ASH1L: variants seen among roughly 807,000 people sequenced by gnomAD.
ASH1L encodes the protein ASH1 like histone lysine methyltransferase, also known as histone-lysine N-methyltransferase ASH1L.
Under a neutral mutation model 269.0 loss-of-function variants are expected in ASH1L, and 23 were observed. That is an observed-to-expected ratio of 0.09 (90% confidence interval 0.06 to 0.12). The LOEUF (loss-of-function observed/expected upper bound fraction) is 0.12. Ranked by LOEUF, ASH1L falls within the 10% of genes least tolerant of loss-of-function variation. The probability of loss-of-function intolerance (pLI) is 1.00; values close to 1 mark genes in which losing one functional copy is unlikely to be tolerated. For synonymous variants in ASH1L, 1,187 were observed against 1,253.5 expected (o/e 0.95, Z 1.12); for missense variants, 2,912 against 3,567.8 (o/e 0.82, Z 4.68).
chr1:155,446,856 G>A (rs2148644530), intron 4 of ASH1L, among the ~76,000 whole-genome samples: 1 of 152,102 alleles, frequency 6.6e-6, no homozygotes, highest in South Asian at 2.1e-4. Flanking sequence ...GCCCGCTTCG[G>A]CCTCTCAAAG....
chr1:155,429,508 C>A (rs1463736295), intron 5 of ASH1L, among the ~76,000 whole-genome samples: 1 of 152,182 alleles, frequency 6.6e-6, no homozygotes, highest in African/African-American at 2.4e-5. Context: ...AAGCGATCCA[C>A]ACGCCTCGGC....
rs555975446 is a variant in ASH1L, at chr1:155,520,305, A to T, written c.420+795T>A. The T allele has an allele frequency of 2.1e-5, 3 of 142,438 alleles. No individual in the cohort carries two copies. In the South Asian group the frequency reaches 7.0e-4, roughly 33 times the overall value. The allele number at this position is 142,438 out of a possible 1,614,324, so 8.8% of individuals were successfully genotyped here. Reference sequence around the variant, plus strand: ...AACCCAGGAGGCGGAGGTTGCGGTGAGCCGAGATCGCACCACTGCACTCCA... The same window carrying T: ...AACCCAGGAGGCGGAGGTTGCGGTGTGCCGAGATCGCACCACTGCACTCCA... On this transcript the variant is annotated intron_variant, in intron 2 of 27. Coordinates refer to ENST00000392403, the MANE Select transcript of ASH1L (RefSeq NM_018489.3).
chr1:155,349,843 G>A (rs371954131), intron 17 of ASH1L, among the ~76,000 whole-genome samples: 8 of 144,840 alleles, frequency 5.5e-5, no homozygotes, highest in East Asian at 2.1e-4. Flanking sequence ...TCAGCCTCCC[G>A]AGCAGCTGGG....
chr1:155,448,197 T>TG (rs2148647993), intron 4 of ASH1L, among the ~76,000 whole-genome samples: 6 of 152,376 alleles, frequency 3.9e-5, no homozygotes, highest in African/African-American at 1.4e-4. Context: ...CCTGTTCCAC[T>TG]GGTCTATGTG....
intron 4 of ASH1L, among the ~76,000 whole-genome samples, chr1:155,457,300 G>GA (rs797007623): frequency 1.3e-5 from 2 of 152,002 alleles, no homozygotes; most frequent in Admixed American, 6.6e-5. Flanking sequence ...TCCTCTGAAT[G>GA]AAAAAAACAT....
chr1:155,377,049 A>C (rs1429722167), intron 10 of ASH1L, among the ~76,000 whole-genome samples: 1 of 151,832 alleles, frequency 6.6e-6, no homozygotes, highest in African/African-American at 2.4e-5. Flanking sequence ...CTGGGATTAT[A>C]GGCATGAGCC....
intron 10 of ASH1L, among the ~76,000 whole-genome samples, chr1:155,376,753 G>A (rs1050094763): frequency 1.7e-4 from 25 of 151,470 alleles, no homozygotes; most frequent in Non-Finnish European, 2.7e-4. Context: ...TACTTGGGAG[G>A]CTGAGGCAGG....
At chr1:155,411,586 A>AATAAATAAATAT (rs1297131961) in intron 6 of ASH1L, among the ~76,000 whole-genome samples, 133 of 55,124 alleles carry the variant, frequency 2.4e-3, no homozygotes, top group Middle Eastern at 0.011. Context: ...TAAATAAATA[A>AATAAATAAATAT]ATATATATAT....
chr1:155,347,985 A>C, intron 19 of ASH1L, 81 bp from the exon 20 acceptor site: 1 of 1,569,890 alleles, frequency 6.4e-7, no homozygotes, highest in Non-Finnish European at 8.7e-7. Flanking sequence ...GCAAGGTAGC[A>C]TGACTTTCTT....
In ASH1L at chr1:155,480,909, G is replaced by A. The variant is rs552238287; in HGVS notation, c.1961C>T (p.Pro654Leu). Residue 654 changes from proline to leucine, a missense_variant, in exon 3 of 28, where the codon CCA becomes CTA. Transcript: ENST00000392403. The stretch of plus-strand genomic sequence containing the variant: ...AATGCTGGATTCAGAAGTCAAACTT[G>A]GCTTTTTTCCAAGGGAAGAGCTTAT... The part of the protein sequence containing the change: ...PRISSSLGKK[P>L]SLTSESSIHT... 5 of 1,613,780 alleles carry A rather than the reference G, an allele frequency of 3.1e-6. No homozygotes were observed. Among genetic ancestry groups the A allele is most frequent in the Non-Finnish European group, 3.4e-6 (4 of 1,179,916 alleles).
At chr1:155,487,463 G>A (rs1028298351) in intron 2 of ASH1L, among the ~76,000 whole-genome samples, 2 of 152,024 alleles carry the variant, frequency 1.3e-5, no homozygotes. Context: ...GAACTTCTAA[G>A]CTTAAGTGAT....
intron 2 of ASH1L, among the ~76,000 whole-genome samples, chr1:155,489,824 AAATAAATAAAT>A (rs1666635651): frequency 6.6e-6 from 1 of 151,208 alleles, no homozygotes; most frequent in Non-Finnish European, 1.5e-5. Flanking sequence ...ATAAATAAAT[AAATAAATAAAT>A]AACAATATGG....
intron 1 of ASH1L, among the ~76,000 whole-genome samples, chr1:155,552,379 T>C (rs940125453): frequency 4.6e-5 from 7 of 152,166 alleles, no homozygotes; most frequent in South Asian, 2.1e-4. Flanking sequence ...GGCAGGAGAA[T>C]TGCTTGAGCC....
rs1194672054 is a variant in ASH1L, at chr1:155,562,552, C to A, written c.-499G>T. ...CACTCCTTCCTCCTTGCGTTCTTTC[C>A]CACCGTCCCCCGCTCCGCCCGACTC... is the stretch of plus-strand genomic sequence containing the variant. On this transcript the variant is annotated 5_prime_UTR_variant, in exon 1 of 28. Transcript: ENST00000392403. The A allele has an allele frequency of 2.0e-6, 3 of 1,528,776 alleles. No homozygotes were observed. The highest frequency in any genetic ancestry group is 1.8e-6 in the Non-Finnish European group (2 of 1,139,738). 94.7% of individuals were successfully genotyped at this position (1,528,776 alleles called of 1,614,324 possible).
At chr1:155,344,902 T>C (rs1653116574) in intron 21 of ASH1L, among the ~76,000 whole-genome samples, 1 of 152,182 alleles carries the variant, frequency 6.6e-6, no homozygotes, top group Non-Finnish European at 1.5e-5. Flanking sequence ...GGGTACCAAG[T>C]TCTGGATTTT....
rs1454321358 is a variant in ASH1L at position 155,336,249 on chromosome 1, G to A, written c.*1411C>T. 2 of 152,320 alleles carry A rather than the reference G, an allele frequency of 1.3e-5. No individual in the cohort carries two copies. Among genetic ancestry groups the A allele is most frequent in the Non-Finnish European group, 2.9e-5 (2 of 67,962 alleles). 9.4% of individuals were successfully genotyped at this position (152,320 alleles called of 1,614,324 possible). A position where few individuals can be genotyped will look rare whatever the true frequency, so the allele number is the denominator to read the frequency against. On this transcript the variant is annotated 3_prime_UTR_variant, in exon 28 of 28. Transcript: ENST00000392403. Reference sequence around the variant, plus strand: ...GAGCATCGTCACCATAAGGGGAAATGTACAATTAGGACAGCATTGGTCCAA... The same window carrying A: ...GAGCATCGTCACCATAAGGGGAAATATACAATTAGGACAGCATTGGTCCAA...
chr1:155,459,993 C>G (rs1006419715), intron 3 of ASH1L, 95 bp from the exon 4 acceptor site: 3 of 876,872 alleles, frequency 3.4e-6, no homozygotes, highest in African/African-American at 3.4e-5. Context: ...AGTTTAGTTG[C>G]TGCCACTGTC....
At chr1:155,525,726 A>G (rs547841476) in intron 1 of ASH1L, among the ~76,000 whole-genome samples, 35 of 152,254 alleles carry the variant, frequency 2.3e-4, no homozygotes, top group African/African-American at 7.7e-4. Flanking sequence ...TATGATCCAT[A>G]TAAGATCACA....
chr1:155,440,553 G>T, intron 4 of ASH1L: 1 of 963,076 alleles, frequency 1.0e-6, no homozygotes, highest in South Asian at 4.8e-5. Flanking sequence ...TCATCAGTAT[G>T]TAAGTGACTT....
Sources: allele counts gnomAD v4.1 joint callset (sites outside exome capture counted in the v4.1 genomes callset), GRCh38; gene constraint gnomAD v4.1.1; transcripts MANE v1.5; gene names NCBI Gene and HGNC (gene_info 2026-07-23, HGNC 2026-07-21).